PROS1: variants seen among roughly 807,000 people sequenced by gnomAD.
PROS1 encodes vitamin K-dependent protein S.
In PROS1, 29 loss-of-function variants were observed where a neutral mutation model predicts 75.9. The ratio of observed to expected loss-of-function variants is 0.38; its 90% CI spans 0.28 to 0.52. The LOEUF is 0.52. Ranked by LOEUF, PROS1 falls within the 20% of genes least tolerant of loss-of-function variation. The pLI, the probability that PROS1 is intolerant of heterozygous loss-of-function variation, is 0.83. For synonymous variants in PROS1, 245 were observed against 280.6 expected, an observed-to-expected ratio of 0.87 and a Z score of 1.27; for missense variants, 680 against 810.3, an observed-to-expected ratio of 0.84 and a Z score of 1.95.
intron 1 of PROS1, among the ~76,000 whole-genome samples, chr3:93,938,448 T>C (rs556532156): frequency 1.8e-4 from 27 of 152,018 alleles, no homozygotes; most frequent in Non-Finnish European, 3.7e-4. Flanking sequence ...TGACATTTGG[T>C]GCCAAAGACC....
At chr3:93,886,859 T>C (rs1158049901) in intron 10 of PROS1, among the ~76,000 whole-genome samples, 2 of 152,198 alleles carry the variant, frequency 1.3e-5, no homozygotes, top group African/African-American at 4.8e-5. Flanking sequence ...AGTGGCCTTA[T>C]TTTGCAATTG....
At position 93,884,964 on chromosome 3, in the gene PROS1, G is replaced by A. The variant is rs183151460; in HGVS notation, c.1324-68C>T. 349 of 1,310,972 alleles carry A rather than the reference G, an allele frequency of 2.7e-4. 1 individual carries two copies. In the African/African-American group the frequency reaches 4.4e-3, roughly 16 times the overall value. The allele number at this position is 1,310,972 out of a possible 1,614,324, so 81.2% of individuals were successfully genotyped here. On this transcript the variant is annotated intron_variant, in intron 11 of 14. Transcript: ENST00000394236. ...AAACAGTGGCTCGATTATGAGTATA[G>A]GTTTTCATTAAGAGAAAAAAAATCC... is the stretch of plus-strand genomic sequence containing the variant.
At chr3:93,891,683 TA>T (rs1297024223) in intron 10 of PROS1, among the ~76,000 whole-genome samples, 1 of 152,180 alleles carries the variant, frequency 6.6e-6, no homozygotes, top group African/African-American at 2.4e-5. Flanking sequence ...GAGCTGGGAT[TA>T]CAGGCATGAG....
chr3:93,932,896 G>T (rs1709126456), intron 1 of PROS1, among the ~76,000 whole-genome samples: 1 of 152,176 alleles, frequency 6.6e-6, no homozygotes, highest in Admixed American at 6.5e-5. Context: ...GGTGGCAGAT[G>T]GAGGAGCATC....
intron 1 of PROS1, among the ~76,000 whole-genome samples, chr3:93,941,522 A>G (rs1709287926): frequency 6.6e-6 from 1 of 152,100 alleles, no homozygotes; most frequent in African/African-American, 2.4e-5. Context: ...TAAACTCACA[A>G]AAGGAAATTT....
chr3:93,929,126 G>A (rs1483772705), intron 1 of PROS1, among the ~76,000 whole-genome samples: 1 of 152,136 alleles, frequency 6.6e-6, no homozygotes, highest in Non-Finnish European at 1.5e-5. Context: ...AAATAGAATT[G>A]TTTATTGAAA....
intron 1 of PROS1, among the ~76,000 whole-genome samples, chr3:93,954,625 A>G (rs1356717387): frequency 1.3e-5 from 2 of 152,230 alleles, no homozygotes; most frequent in Non-Finnish European, 2.9e-5. Flanking sequence ...TAAAAACCCT[A>G]GAAGATAACC....
Position 93,970,388 on chromosome 3 carries a change from G to A in PROS1, c.76+3286C>T, listed in dbSNP as rs1575902158. Among the ~76,000 whole-genome samples, 3 of 152,248 alleles carry A rather than the reference G, an allele frequency of 2.0e-5. No homozygotes were observed. The East Asian group carries it at 5.8e-4, about 29-fold the overall frequency. On this transcript the variant is annotated intron_variant, in intron 1 of 14. Transcript: ENST00000394236. Reference sequence around the variant, plus strand: ...ATCTCGCTCTATCACCCAGGCTGGAGTGCAGTGGCATAATCATGCTCACTG... The same window carrying A: ...ATCTCGCTCTATCACCCAGGCTGGAATGCAGTGGCATAATCATGCTCACTG...
chr3:93,885,182 T>G (rs1708329023), intron 11 of PROS1, among the ~76,000 whole-genome samples: 1 of 152,144 alleles, frequency 6.6e-6, no homozygotes, highest in Non-Finnish European at 1.5e-5. Flanking sequence ...CTTTTCTGCT[T>G]TCAAGTTCTA....
intron 1 of PROS1, among the ~76,000 whole-genome samples, chr3:93,943,069 C>T (rs1709314727): frequency 6.6e-6 from 1 of 152,186 alleles, no homozygotes; most frequent in Non-Finnish European, 1.5e-5. Context: ...GGCTTCCCAC[C>T]TCTATACAGT....
Position 93,874,249 on chromosome 3 carries a change from G to A in PROS1, c.2027C>T (p.Ser676Phe), listed in dbSNP as rs1433954756. The change falls in exon 15 of 15, where the codon TCT becomes TTT. Residue 676 changes from serine (S) to phenylalanine (F), a missense_variant. Physicochemically the swap from Ser to Phe is radical, Grantham distance 155 (BLOSUM62 -2). Coordinates refer to ENST00000394236, the MANE Select transcript of PROS1 (RefSeq NM_000313.4). ...TATAAGCAGAGAAAAGATGCCTTAA[G>A]AATTCTTTGTCTTTTTCCAAACTGA... Reference protein sequence around the residue: ...CPSVWKKTKNS With the variant: ...CPSVWKKTKNF 2 of 1,613,276 alleles carry A rather than the reference G, an allele frequency of 1.2e-6. No homozygotes were observed. Among genetic ancestry groups the A allele is most frequent in the Non-Finnish European group, 1.7e-6 (2 of 1,179,430 alleles).
At chr3:93,875,642 C>CA (rs1358868685) in intron 14 of PROS1, among the ~76,000 whole-genome samples, 1 of 150,386 alleles carries the variant, frequency 6.6e-6, no homozygotes, top group African/African-American at 2.4e-5. Flanking sequence ...ATCTATCTAT[C>CA]TATCTATCTA....
intron 14 of PROS1, among the ~76,000 whole-genome samples, chr3:93,874,934 G>A (rs1448106695): frequency 2.6e-5 from 4 of 152,012 alleles, no homozygotes; most frequent in Admixed American, 1.3e-4. Context: ...TCACTTTCAT[G>A]TACTATTTAG....
chr3:93,909,772 C>G (rs1040525668), intron 4 of PROS1, among the ~76,000 whole-genome samples: 3 of 151,920 alleles, frequency 2.0e-5, no homozygotes, highest in South Asian at 2.1e-4. Flanking sequence ...TAGCTAACGC[C>G]TAATTAATTC....
chr3:93,939,561 A>C (rs560791512), intron 1 of PROS1, among the ~76,000 whole-genome samples: 114 of 152,190 alleles, frequency 7.5e-4, no homozygotes, highest in African/African-American at 2.7e-3. Flanking sequence ...TTTCATTCTG[A>C]GACTAGCCCT....
At chr3:93,887,240 A>G (rs571279468) in intron 10 of PROS1, among the ~76,000 whole-genome samples, 1 of 152,326 alleles carries the variant, frequency 6.6e-6, no homozygotes, top group South Asian at 2.1e-4. Flanking sequence ...ATATAAAGTA[A>G]GAAAAATCAA....
intron 2 of PROS1, among the ~76,000 whole-genome samples, chr3:93,926,528 T>C (rs1709019666): frequency 6.6e-6 from 1 of 152,096 alleles, no homozygotes; most frequent in Non-Finnish European, 1.5e-5. Context: ...CCTACTCAGG[T>C]GGCTGAGGCA....
intron 1 of PROS1, among the ~76,000 whole-genome samples, chr3:93,962,239 C>T (rs1460897594): frequency 6.6e-6 from 1 of 151,966 alleles, no homozygotes; most frequent in Non-Finnish European, 1.5e-5. Flanking sequence ...AAAGGATTAA[C>T]AAGCAGAGAT....
chr3:93,955,216 C>T (rs1052973069), intron 1 of PROS1, among the ~76,000 whole-genome samples: 7 of 152,158 alleles, frequency 4.6e-5, no homozygotes, highest in Non-Finnish European at 8.8e-5. Context: ...CCCAGCCATC[C>T]CCTTACTGGG....
Sources: gnomAD v4.1 joint callset for allele counts (sites outside exome capture counted in the v4.1 genomes callset) on GRCh38, gnomAD v4.1.1 for gene constraint, MANE v1.5 for transcripts, NCBI Gene and HGNC (gene_info 2026-07-23, HGNC 2026-07-21) for gene names.